CCDC169: variants seen among roughly 807,000 people sequenced by gnomAD.
CCDC169 encodes the protein coiled-coil domain-containing protein 169.
In CCDC169, 30 loss-of-function variants were observed where a neutral mutation model predicts 36.0. That is an observed-to-expected ratio of 0.83 (90% CI 0.62 to 1.13). The LOEUF is 1.13. CCDC169 is among the 50% of genes most tolerant of loss of function. The probability of loss-of-function intolerance (pLI) is 0.00; values close to 1 mark genes in which losing one functional copy is unlikely to be tolerated. For missense variants in CCDC169, 245 were observed against 245.9 expected (o/e 1.00, Z 0.03); for synonymous variants, 85 against 81.5 (o/e 1.04, Z -0.23).
At chr13:36,275,217 TAA>T (rs910172430) in intron 4 of CCDC169, among the ~76,000 whole-genome samples, 2 of 147,604 alleles carry the variant, frequency 1.4e-5, no homozygotes, top group African/African-American at 5.0e-5. Context: ...AAAAAAAAAG[TAA>T]AAAAAAAATC....
chr13:36,292,315 C>T (rs889506968), intron 2 of CCDC169, among the ~76,000 whole-genome samples: 13 of 152,030 alleles, frequency 8.6e-5, no homozygotes, highest in East Asian at 5.8e-4. Context: ...ATCTATAAAA[C>T]GGAGGTAATG....
chr13:36,292,423 T>A (rs2138651007), intron 2 of CCDC169, among the ~76,000 whole-genome samples: 1 of 152,274 alleles, frequency 6.6e-6, no homozygotes, highest in East Asian at 1.9e-4. Context: ...AAAAAAAAAG[T>A]CACCTGAACA....
intron 2 of CCDC169, 58 bp downstream of exon 2, chr13:36,295,720 C>T: frequency 1.1e-6 from 1 of 875,934 alleles, no homozygotes; most frequent in South Asian, 1.7e-5. Flanking sequence ...CATAGATATC[C>T]TGGTAAAATG....
At chr13:36,270,305 T>C (rs1325142632) in intron 4 of CCDC169, among the ~76,000 whole-genome samples, 2 of 152,136 alleles carry the variant, frequency 1.3e-5, no homozygotes, top group African/African-American at 2.4e-5. Flanking sequence ...CATCCCATGC[T>C]CATGAATTGG....
At chr13:36,271,074 TAAAC>T (rs973137428) in intron 4 of CCDC169, among the ~76,000 whole-genome samples, 5 of 151,846 alleles carry the variant, frequency 3.3e-5, no homozygotes, top group Admixed American at 6.6e-5. Context: ...CAGCAAGAAA[TAAAC>T]AATCTCATCA....
intron 7 of CCDC169, among the ~76,000 whole-genome samples, chr13:36,241,911 C>T (rs1043324828): frequency 6.6e-6 from 1 of 152,086 alleles, no homozygotes; most frequent in Non-Finnish European, 1.5e-5. Flanking sequence ...GGGGGCGGAC[C>T]TCCCCCTTAG....
downstream of CCDC169, chr13:36,227,513 AAT>A (rs1487231618): frequency 2.8e-3 from 2,867 of 1,028,474 alleles, 69 homozygotes; most frequent in African/African-American, 0.047. Flanking sequence ...TAAATAAATA[AAT>A]AAAAGCTCTA....
At chr13:36,256,708 C>T (rs1873928338) in intron 4 of CCDC169, among the ~76,000 whole-genome samples, 1 of 152,214 alleles carries the variant, frequency 6.6e-6, no homozygotes, top group African/African-American at 2.4e-5. Context: ...GATATGAGGC[C>T]CCCACCGGCC....
chr13:36,271,860 G>A lies in CCDC169; in HGVS notation c.315+11609C>T, dbSNP rs568921947. On this transcript the variant is annotated intron_variant, in intron 4 of 7. Coordinates refer to ENST00000239859, the MANE Select transcript of CCDC169 (RefSeq NM_001144981.3). ...AGCACTTTGGGAGGCCAAAGCGGGCGGATCACGAGTTCAGGAGTTCGAGAC... is the reference window on the plus strand; with the variant it reads ...AGCACTTTGGGAGGCCAAAGCGGGCAGATCACGAGTTCAGGAGTTCGAGAC... Among the ~76,000 whole-genome samples, 243 of 151,894 alleles carry A rather than the reference G, an allele frequency of 1.6e-3. 1 individual carries two copies. Among genetic ancestry groups the A allele is most frequent in the Non-Finnish European group, 2.2e-3 (151 of 67,952 alleles).
intron 7 of CCDC169, among the ~76,000 whole-genome samples, chr13:36,236,806 A>G (rs1171641623): frequency 6.6e-6 from 1 of 152,086 alleles, no homozygotes. Context: ...GGACTTGAAT[A>G]GACATTTCTC....
At chr13:36,276,309 G>C (rs9547064) in intron 4 of CCDC169, among the ~76,000 whole-genome samples, 1 of 151,816 alleles carries the variant, frequency 6.6e-6, no homozygotes, top group African/African-American at 2.4e-5. Context: ...AATGATTTCC[G>C]TAAGTTTTGG....
At chr13:36,270,439 C>G (rs1875890439) in intron 4 of CCDC169, among the ~76,000 whole-genome samples, 1 of 151,956 alleles carries the variant, frequency 6.6e-6, no homozygotes, top group Non-Finnish European at 1.5e-5. Context: ...TCATATTGAA[C>G]CAAAAAAGAG....
At chr13:36,254,378 C>G (rs895452321) in intron 4 of CCDC169, among the ~76,000 whole-genome samples, 4 of 150,548 alleles carry the variant, frequency 2.7e-5, no homozygotes, top group South Asian at 2.1e-4. Context: ...CAGGTCTATG[C>G]GATTCCCCTG....
intron 7 of CCDC169, among the ~76,000 whole-genome samples, chr13:36,237,254 A>T (rs1871199131): frequency 6.6e-6 from 1 of 152,118 alleles, no homozygotes; most frequent in Non-Finnish European, 1.5e-5. Flanking sequence ...ATCACTTCAC[A>T]TCCACTAGGA....
chr13:36,258,883 G>A (rs1874259241), intron 4 of CCDC169, among the ~76,000 whole-genome samples: 2 of 152,126 alleles, frequency 1.3e-5, no homozygotes, highest in South Asian at 4.1e-4. Context: ...CTTGCAGTCT[G>A]GATCGGGACC....
At chr13:36,281,419 T>A (rs971651178) in intron 4 of CCDC169, among the ~76,000 whole-genome samples, 1 of 151,954 alleles carries the variant, frequency 6.6e-6, no homozygotes, top group Non-Finnish European at 1.5e-5. Context: ...ATATAACGTA[T>A]CTTACCTTCA....
downstream of CCDC169, chr13:36,227,144 GAA>G: frequency 8.8e-7 from 1 of 1,141,352 alleles, no homozygotes; most frequent in Non-Finnish European, 1.2e-6. Context: ...GAGGCTTAAA[GAA>G]ATACATGTGA....
At chr13:36,227,942 T>C (rs1001219499), downstream of CCDC169, among the ~76,000 whole-genome samples, 2 of 152,222 alleles carry the variant, frequency 1.3e-5, no homozygotes, top group Admixed American at 6.5e-5. Flanking sequence ...TGTTATTCCA[T>C]TATTTCACTT....
intron 6 of CCDC169, among the ~76,000 whole-genome samples, chr13:36,250,695 A>T (rs141952056): frequency 6.6e-6 from 1 of 152,264 alleles, no homozygotes; most frequent in Non-Finnish European, 1.5e-5. Flanking sequence ...AACAAAACAA[A>T]ACAAAAACCT....
Sources: allele counts gnomAD v4.1 joint callset (sites outside exome capture counted in the v4.1 genomes callset), GRCh38; gene constraint gnomAD v4.1.1; transcripts MANE v1.5; gene names NCBI Gene and HGNC (gene_info 2026-07-23, HGNC 2026-07-21).